MCUR1: variants seen among roughly 807,000 people sequenced by gnomAD.
MCUR1 encodes MCU regulator 1.
Under a neutral mutation model 42.0 loss-of-function variants are expected in MCUR1, and 37 were observed. That is an observed-to-expected ratio of 0.88 (90% CI 0.68 to 1.16). The LOEUF (loss-of-function observed/expected upper bound fraction) is 1.16, where lower values mean the gene tolerates loss of function less well. MCUR1 is among the 50% of genes most tolerant of loss of function. MCUR1 has a pLI of 0.00. For missense variants in MCUR1, 469 were observed against 468.4 expected, an observed-to-expected ratio of 1.00 and a Z score of -0.01; for synonymous variants, 229 against 196.2, an observed-to-expected ratio of 1.17 and a Z score of -1.40.
chr6:13,792,126 A>C, intron 7 of MCUR1, 134 bp from the exon 8 acceptor site: 1 of 673,796 alleles, frequency 1.5e-6, no homozygotes, highest in Non-Finnish European at 2.6e-6. Flanking sequence ...CTTTAGTCTC[A>C]GTTCTAAAAC....
intron 1 of MCUR1, among the ~76,000 whole-genome samples, chr6:13,813,486 A>G (rs139163230): frequency 6.6e-6 from 1 of 152,282 alleles, no homozygotes; most frequent in African/African-American, 2.4e-5. Context: ...TGCTAGAATT[A>G]AGCTCCAGAG....
At position 13,814,236 on chromosome 6, in the gene MCUR1, C is replaced by A. The variant is rs1445628492; in HGVS notation, c.194G>T (p.Arg65Leu). 3 of 1,469,266 alleles carry A rather than the reference C, an allele frequency of 2.0e-6. No individual in the cohort carries two copies. The highest frequency in any genetic ancestry group is 2.9e-5 in the African/African-American group (2 of 68,002). 91.0% of individuals were successfully genotyped at this position (1,469,266 alleles called of 1,614,324 possible). Residue 65 changes from arginine (R) to leucine (L), a missense_variant, in exon 1 of 9, where the codon CGT becomes CTT. Physicochemically the swap from Arg to Leu is moderately radical, Grantham distance 102 (BLOSUM62 -2). Coordinates refer to ENST00000379170, the MANE Select transcript of MCUR1 (RefSeq NM_001031713.4). Reference sequence around the variant, plus strand: ...CAGGAGGAGGAGCAGCGGTGAGGCACGTGACACGCCGCCGCGGGCCGCCGG... The same window carrying A: ...CAGGAGGAGGAGCAGCGGTGAGGCAAGTGACACGCCGCCGCGGGCCGCCGG... ...RAPAARGGVS[R>L]ASPLLLLLLV... is the part of the protein sequence containing the mutation.
chr6:13,813,967 T>A, intron 1 of MCUR1, 48 bp downstream of exon 1: 1 of 1,225,908 alleles, frequency 8.2e-7, no homozygotes, highest in South Asian at 4.2e-5. Context: ...CGCCCCGCCG[T>A]CCAACCCCGC....
intron 1 of MCUR1, among the ~76,000 whole-genome samples, chr6:13,811,859 G>GT (rs60606901): frequency 1.3e-5 from 2 of 151,806 alleles, no homozygotes; most frequent in Non-Finnish European, 2.9e-5. Context: ...GGATACTACA[G>GT]TTTTTTTGTT....
chr6:13,808,515 G>A (rs1760159626), intron 1 of MCUR1, among the ~76,000 whole-genome samples: 1 of 152,132 alleles, frequency 6.6e-6, no homozygotes, highest in African/African-American at 2.4e-5. Flanking sequence ...CAATTGATCT[G>A]TTTTTTCTTT....
rs1219266166 is a variant in MCUR1, at chr6:13,814,161, C to T, written c.269G>A (p.Gly90Glu). The T allele has an allele frequency of 6.8e-6, 9 of 1,331,286 alleles. No individual in the cohort carries two copies. Among genetic ancestry groups the T allele is most frequent in the Non-Finnish European group, 7.6e-6 (8 of 1,048,304 alleles). The allele number at this position is 1,331,286 out of a possible 1,614,324, so 82.5% of individuals were successfully genotyped here. The change falls in exon 1 of 9, where the codon GGG becomes GAG. Residue 90 changes from glycine to glutamate, a missense_variant. Physicochemically the swap from Gly to Glu is moderately conservative, Grantham distance 98. Transcript: ENST00000379170. The stretch of plus-strand genomic sequence containing the variant: ...CCCGAGGCGCGAGCGCTCCCAGTCC[C>T]CGAGCTGCCGGCGCGGGGCTGCGGC... Reference protein sequence around the residue: ...LAAAAPRRQLGDWERSRLGYA... With the variant: ...LAAAAPRRQLEDWERSRLGYA...
chr6:13,788,929 G>C lies in MCUR1; in HGVS notation c.*1880C>G, dbSNP rs1561726973. The C allele has an allele frequency of 2.6e-5, 4 of 152,126 alleles. No homozygotes were observed. In the South Asian group the frequency reaches 6.2e-4, roughly 24 times the overall value. The allele number at this position is 152,126 out of a possible 1,614,324, so 9.4% of individuals were successfully genotyped here. A position where few individuals can be genotyped will look rare whatever the true frequency, so the allele number is the denominator to read the frequency against. On this transcript the variant is annotated 3_prime_UTR_variant, in exon 9 of 9. Transcript: ENST00000379170. The stretch of plus-strand genomic sequence containing the variant: ...CCAAAGTTTAGACATGACATCCAAA[G>C]GACAAAAGGTAACTATTTTTTTTAC...
chr6:13,802,491 C>G, intron 2 of MCUR1, 145 bp from the exon 3 acceptor site: 1 of 581,924 alleles, frequency 1.7e-6, no homozygotes, highest in Non-Finnish European at 3.0e-6. Flanking sequence ...CAGCCACAAA[C>G]TATGACGTGC....
Position 13,789,399 on chromosome 6 carries a change from CA to C in MCUR1, c.*1409del, listed in dbSNP as rs1011349894. On this transcript the variant is annotated 3_prime_UTR_variant, in exon 9 of 9. Coordinates refer to ENST00000379170, the MANE Select transcript of MCUR1 (RefSeq NM_001031713.4). Reference sequence around the variant, plus strand: ...CCTGCGACAGTGCGAGACTCCGTCTCAAAAAAAAAAAAAAGGTGAGAATGTG... The same window carrying C: ...CCTGCGACAGTGCGAGACTCCGTCTCAAAAAAAAAAAAAGGTGAGAATGTG... 904 of 119,122 alleles carry C rather than the reference CA, an allele frequency of 7.6e-3. No individual in the cohort carries two copies. Among genetic ancestry groups the C allele is most frequent in the Non-Finnish European group, 9.3e-3 (516 of 55,618 alleles). The allele number at this position is 119,122 out of a possible 1,614,324, so 7.4% of individuals were successfully genotyped here. A position where few individuals can be genotyped will look rare whatever the true frequency, so the allele number is the denominator to read the frequency against.
Position 13,803,858 on chromosome 6 carries a change from T to C in MCUR1, c.536-1512A>G, listed in dbSNP as rs1760047176. On this transcript the variant is annotated intron_variant, in intron 2 of 8. Transcript: ENST00000379170. ...TATTAAGAAGAGTTCACTGGCTGGG[T>C]GTGGTGGCTCACGCCTGTAATCCTA... 4 of 985,330 alleles carry C rather than the reference T, an allele frequency of 4.1e-6. No individual in the cohort carries two copies. The Middle Eastern group carries it at 2.1e-3, about 515-fold the overall frequency. 61.0% of individuals were successfully genotyped at this position (985,330 alleles called of 1,614,324 possible).
intron 1 of MCUR1, 31 bp downstream of exon 1, chr6:13,813,984 A>G: frequency 8.1e-7 from 1 of 1,229,324 alleles, no homozygotes; most frequent in Non-Finnish European, 1.0e-6. Context: ...CCGCGAGACG[A>G]GCCCCCTCTC....
intron 2 of MCUR1, 22 bp from the exon 3 acceptor site, chr6:13,802,368 A>G: frequency 6.3e-7 from 1 of 1,593,638 alleles, no homozygotes; most frequent in Non-Finnish European, 8.6e-7. Flanking sequence ...CACAAGCAAA[A>G]AAAATCATGC....
At chr6:13,806,216 C>T (rs1760108746) in intron 2 of MCUR1, among the ~76,000 whole-genome samples, 2 of 151,862 alleles carry the variant, frequency 1.3e-5, no homozygotes, top group South Asian at 4.1e-4. Flanking sequence ...CGCGCCATTG[C>T]ACTCCAGCCT....
intron 2 of MCUR1, chr6:13,804,094 G>T: frequency 1.5e-6 from 1 of 671,102 alleles, no homozygotes; most frequent in Non-Finnish European, 1.9e-6. Flanking sequence ...GCCAAGGTGG[G>T]TGGATCACTT....
At chr6:13,808,650 T>C (rs1760163731) in intron 1 of MCUR1, among the ~76,000 whole-genome samples, 1 of 152,244 alleles carries the variant, frequency 6.6e-6, no homozygotes, top group Non-Finnish European at 1.5e-5. Flanking sequence ...TTTTAGCTCT[T>C]ACATTGAGGT....
chr6:13,789,902 T>G lies in MCUR1; in HGVS notation c.*907A>C, dbSNP rs1401689237. On this transcript the variant is annotated 3_prime_UTR_variant, in exon 9 of 9. Transcript: ENST00000379170. ...CAATTGCAATGCTTCTTTAGACAGC[T>G]GATTTTTCTGGCTGGAAGGCACATT... The G allele has an allele frequency of 6.6e-6, 1 of 152,224 alleles. No individual in the cohort carries two copies. The highest frequency in any genetic ancestry group is 1.9e-4 in the East Asian group (1 of 5,198). 9.4% of individuals were successfully genotyped at this position (152,224 alleles called of 1,614,324 possible). A position where few individuals can be genotyped will look rare whatever the true frequency, so the allele number is the denominator to read the frequency against.
rs761190746 is a variant in MCUR1, at chr6:13,787,658, T to C, written c.*3151A>G. ...CAGACGTTCCGTCCATGTGAGATTC[T>C]GCTTCAGGTATTGGACATCGTTCCC... On this transcript the variant is annotated 3_prime_UTR_variant, in exon 9 of 9. Coordinates refer to ENST00000379170, the MANE Select transcript of MCUR1 (RefSeq NM_001031713.4). The C allele has an allele frequency of 6.6e-6, 1 of 152,208 alleles. No individual in the cohort carries two copies. The highest frequency in any genetic ancestry group is 2.4e-5 in the African/African-American group (1 of 41,458). 9.4% of individuals were successfully genotyped at this position (152,208 alleles called of 1,614,324 possible).
intron 6 of MCUR1, among the ~76,000 whole-genome samples, chr6:13,794,552 G>A (rs188324795): frequency 6.6e-6 from 1 of 151,932 alleles, no homozygotes; most frequent in African/African-American, 2.4e-5. Context: ...TAGCTGCCAA[G>A]GATTATTATT....
chr6:13,787,882 GAC>G lies in MCUR1; in HGVS notation c.*2925_*2926del, dbSNP rs1207113019. 2 of 152,114 alleles carry G rather than the reference GAC, an allele frequency of 1.3e-5. No individual in the cohort carries two copies. The highest frequency in any genetic ancestry group is 4.8e-5 in the African/African-American group (2 of 41,422). The allele number at this position is 152,114 out of a possible 1,614,324, so 9.4% of individuals were successfully genotyped here. A position where few individuals can be genotyped will look rare whatever the true frequency, so the allele number is the denominator to read the frequency against. On this transcript the variant is annotated 3_prime_UTR_variant, in exon 9 of 9. Coordinates refer to ENST00000379170, the MANE Select transcript of MCUR1 (RefSeq NM_001031713.4). ...CTATTTACTTATTTATTTATTTTGA[GAC>G]AGAGTCTCACTGTGTCGCCCAGGCA...
Sources: allele counts gnomAD v4.1 joint callset (sites outside exome capture counted in the v4.1 genomes callset), GRCh38; gene constraint gnomAD v4.1.1; transcripts MANE v1.5; gene names NCBI Gene and HGNC (gene_info 2026-07-23, HGNC 2026-07-21).